The following TNNI3K variants were observed in gnomAD, a reference collection of about 807,000 sequenced individuals.
TNNI3K encodes TNNI3 interacting kinase.
Under a neutral mutation model 114.5 loss-of-function variants are expected in TNNI3K, and 140 were observed. The ratio of observed to expected loss-of-function variants is 1.22; its 90% confidence interval spans 1.07 to 1.41. TNNI3K has a LOEUF of 1.41. Among genes scored for constraint, TNNI3K ranks in the 40% most tolerant of loss-of-function variants. TNNI3K has a pLI of 0.00. For missense variants in TNNI3K, 1,125 were observed against 1,007.6 expected, an observed-to-expected ratio of 1.12 and a Z score of -1.58; for synonymous variants, 347 against 347.5, an observed-to-expected ratio of 1.00 and a Z score of 0.02.
At chr1:74,415,907 A>G (rs914778135) in intron 17 of TNNI3K, among the ~76,000 whole-genome samples, 3 of 152,146 alleles carry the variant, frequency 2.0e-5, no homozygotes, top group Admixed American at 2.0e-4. Context: ...GTATGCAGAC[A>G]TTCTGGTTTG....
At chr1:74,262,335 A>G (rs752540821) in intron 4 of TNNI3K, among the ~76,000 whole-genome samples, 1 of 152,022 alleles carries the variant, frequency 6.6e-6, no homozygotes, top group Non-Finnish European at 1.5e-5. Context: ...AGTACCAATA[A>G]TATCTCCAGA....
intron 5 of TNNI3K, among the ~76,000 whole-genome samples, chr1:74,293,435 T>C (rs569812593): frequency 1.3e-5 from 2 of 151,812 alleles, no homozygotes; most frequent in Non-Finnish European, 3.0e-5. Context: ...TGTTACTTTT[T>C]CGCTTTTTAC....
chr1:74,268,709 G>A (rs1254311656), intron 4 of TNNI3K, among the ~76,000 whole-genome samples: 1 of 151,816 alleles, frequency 6.6e-6, no homozygotes, highest in Non-Finnish European at 1.5e-5. Flanking sequence ...AGTGCACATA[G>A]TCATTGTGAG....
At chr1:74,285,524 A>G (rs1219945626) in intron 5 of TNNI3K, among the ~76,000 whole-genome samples, 1 of 3,002 alleles carries the variant, frequency 3.3e-4, no homozygotes, top group Non-Finnish European at 8.7e-4. Flanking sequence ...CTGAACAACC[A>G]CAATGTTTTT....
At chr1:74,489,381 T>A in intron 22 of TNNI3K, 133 bp downstream of exon 22, 1 of 851,942 alleles carries the variant, frequency 1.2e-6, no homozygotes, top group Non-Finnish European at 1.7e-6. Context: ...TTTGCCCTAT[T>A]CATTAAATTC....
chr1:74,449,741 C>A (rs1419165479), intron 20 of TNNI3K, among the ~76,000 whole-genome samples: 1 of 151,348 alleles, frequency 6.6e-6, no homozygotes, highest in African/African-American at 2.4e-5. Flanking sequence ...ACAGGAGCAC[C>A]CAAATTCATA....
intron 5 of TNNI3K, among the ~76,000 whole-genome samples, chr1:74,299,825 A>T (rs1285733617): frequency 6.6e-6 from 1 of 152,110 alleles, no homozygotes; most frequent in Non-Finnish European, 1.5e-5. Context: ...TGGCTCTTTT[A>T]TGAAGATATT....
chr1:74,340,935 G>T (rs1022841300), intron 7 of TNNI3K, among the ~76,000 whole-genome samples: 3 of 152,092 alleles, frequency 2.0e-5, no homozygotes, highest in Non-Finnish European at 2.9e-5. Context: ...AGATTCAAAG[G>T]TTTGTTTGTA....
At chr1:74,418,366 T>C (rs1665231870) in intron 17 of TNNI3K, 1 of 177,580 alleles carries the variant, frequency 5.6e-6, no homozygotes, top group African/African-American at 2.4e-5. Flanking sequence ...TAAGAAGTTG[T>C]TATTTGGTGT....
chr1:74,353,927 G>A (rs1661520652), intron 10 of TNNI3K, 53 bp from the exon 11 acceptor site: 4 of 1,562,610 alleles, frequency 2.6e-6, no homozygotes, highest in African/African-American at 2.8e-5. Context: ...TGAAAATTGG[G>A]GAGCAGTTTT....
chr1:74,268,914 C>T (rs990216099), intron 4 of TNNI3K, among the ~76,000 whole-genome samples: 1 of 151,894 alleles, frequency 6.6e-6, no homozygotes, highest in Non-Finnish European at 1.5e-5. Context: ...CCAAATACCC[C>T]ATACCATGGC....
intron 4 of TNNI3K, among the ~76,000 whole-genome samples, chr1:74,257,627 G>A (rs911180306): frequency 6.8e-6 from 1 of 147,738 alleles, no homozygotes; most frequent in Non-Finnish European, 1.5e-5. Context: ...TTAGGCTGAA[G>A]GTATTTCAGT....
At chr1:74,422,181 A>C (rs868433139) in intron 17 of TNNI3K, among the ~76,000 whole-genome samples, 1 of 151,772 alleles carries the variant, frequency 6.6e-6, no homozygotes, top group Non-Finnish European at 1.5e-5. Context: ...TCTTGTTCTC[A>C]CTATTTAAGA....
rs140372349 is a variant in TNNI3K at position 74,523,421 on chromosome 1, G to A, written c.2352-16813G>A. Among the ~76,000 whole-genome samples the A allele has an allele frequency of 7.6e-3, 1,146 of 150,924 alleles. 7 individuals carry two copies. Among genetic ancestry groups the A allele is most frequent in the Non-Finnish European group, 0.013 (871 of 67,670 alleles). ...TGTGTTTGTGTATTCAAACATACTTGGCTGATGTATAAGATTTTTCTTTTT... is the reference window on the plus strand; with the variant it reads ...TGTGTTTGTGTATTCAAACATACTTAGCTGATGTATAAGATTTTTCTTTTT... On this transcript the variant is annotated intron_variant, in intron 23 of 24. Coordinates refer to ENST00000326637, the MANE Select transcript of TNNI3K (RefSeq NM_015978.3).
chr1:74,407,509 G>A (rs1338483181), intron 17 of TNNI3K, among the ~76,000 whole-genome samples: 4 of 152,240 alleles, frequency 2.6e-5, no homozygotes, highest in African/African-American at 9.6e-5. Flanking sequence ...ATTTGCATTT[G>A]GCACAGTCAT....
chr1:74,322,306 T>C (rs1179468833), intron 5 of TNNI3K, among the ~76,000 whole-genome samples: 1 of 152,118 alleles, frequency 6.6e-6, no homozygotes, highest in Non-Finnish European at 1.5e-5. Flanking sequence ...TTCAAGGTGA[T>C]TTTCCTACTT....
intron 4 of TNNI3K, among the ~76,000 whole-genome samples, chr1:74,265,622 A>G (rs555934300): frequency 1.3e-5 from 2 of 152,198 alleles, no homozygotes; most frequent in South Asian, 2.1e-4. Flanking sequence ...AATTACCTAT[A>G]TGTAGAATTA....
chr1:74,241,916 C>T (rs1049098922), intron 2 of TNNI3K, among the ~76,000 whole-genome samples: 35 of 147,724 alleles, frequency 2.4e-4, no homozygotes, highest in African/African-American at 8.6e-4. Flanking sequence ...GTGGCGCGAT[C>T]TAGGCTCACT....
chr1:74,454,997 C>T (rs1160101192), intron 20 of TNNI3K, among the ~76,000 whole-genome samples: 1 of 152,090 alleles, frequency 6.6e-6, no homozygotes, highest in Non-Finnish European at 1.5e-5. Flanking sequence ...TATCTTTAGG[C>T]CACCACTGAG....
Sources: gnomAD v4.1 joint callset for allele counts (sites outside exome capture counted in the v4.1 genomes callset) on GRCh38, gnomAD v4.1.1 for gene constraint, MANE v1.5 for transcripts, NCBI Gene and HGNC (gene_info 2026-07-23, HGNC 2026-07-21) for gene names.